The following NRDE2 variants were observed in gnomAD, a reference collection of about 807,000 sequenced individuals.
NRDE2 encodes the protein nuclear exosome regulator NRDE2.
NRDE2 carries 76 observed loss-of-function variants against 124.2 expected under a neutral mutation model. The observed-to-expected ratio is 0.61, with a 90% confidence interval of 0.51 to 0.74. NRDE2 has a LOEUF of 0.74. NRDE2 is among the 30% of genes least tolerant of loss of function. The pLI is 0.00. For missense variants in NRDE2, 1,314 were observed against 1,417.3 expected, an observed-to-expected ratio of 0.93 and a Z score of 1.17; for synonymous variants, 489 against 528.1, an observed-to-expected ratio of 0.93 and a Z score of 1.01.
At position 90,302,766 on chromosome 14, in the gene NRDE2, G is replaced by C. The variant is rs1884451644; in HGVS notation, c.1365C>G (p.Ser455Arg). 1 of 1,613,934 alleles carries C rather than the reference G, an allele frequency of 6.2e-7. No individual in the cohort carries two copies. Among genetic ancestry groups the C allele is most frequent in the East Asian group, 2.2e-5 (1 of 44,886 alleles). Residue 455 changes from serine (S) to arginine (R), a missense_variant, in exon 6 of 14, where the codon AGC becomes AGG. Transcript: ENST00000354366. ...LSTLSAVKDG[S>R]ILSHPALPGT... ...CAGGCAACGCAGGGTGAGATAAGAT[G>C]CTGCCGTCCTTAACAGCAGACAAAG...
Position 90,288,419 on chromosome 14 carries a change from C to T in NRDE2, c.2956G>A (p.Ala986Thr), listed in dbSNP as rs868810495. ...SVYPLAPLREALSQALKLYPG... is the reference protein window; with the variant it reads ...SVYPLAPLRETLSQALKLYPG... ...TACAACTTTAAAGCCTGTGAGAGTGCCTCTCGCAGAGGGGCCAGCGGGTAA... is the reference window on the plus strand; with the variant it reads ...TACAACTTTAAAGCCTGTGAGAGTGTCTCTCGCAGAGGGGCCAGCGGGTAA... Residue 986 changes from alanine (A) to threonine (T), a missense_variant, in exon 11 of 14, where the codon GCA becomes ACA. Transcript: ENST00000354366. 6.2e-7 allele frequency: 1 copy of T among 1,613,976 alleles called. No individual in the cohort carries two copies. The highest frequency in any genetic ancestry group is 8.5e-7 in the Non-Finnish European group (1 of 1,180,008).
chr14:90,285,291 G>T (rs1318490950), intron 12 of NRDE2, among the ~76,000 whole-genome samples: 1 of 144,086 alleles, frequency 6.9e-6, no homozygotes, highest in East Asian at 2.1e-4. Flanking sequence ...AAAAAAAAAG[G>T]AAATGTTGAT....
chr14:90,330,655 T>TA (rs1056720180), intron 1 of NRDE2, among the ~76,000 whole-genome samples: 1 of 151,514 alleles, frequency 6.6e-6, no homozygotes, highest in South Asian at 2.1e-4. Context: ...TACTAAATAT[T>TA]AAAAAAAATT....
At chr14:90,296,507 C>A (rs531369700) in intron 8 of NRDE2, among the ~76,000 whole-genome samples, 1 of 152,298 alleles carries the variant, frequency 6.6e-6, no homozygotes, top group East Asian at 1.9e-4. Context: ...TGAAGGGCCC[C>A]TCTCGCTTCT....
intron 8 of NRDE2, among the ~76,000 whole-genome samples, chr14:90,296,331 G>A (rs1884145731): frequency 2.0e-5 from 3 of 152,122 alleles, no homozygotes; most frequent in Admixed American, 2.0e-4. Context: ...CATGCAGGCT[G>A]TTTTTCTTCA....
At position 90,273,199 on chromosome 14, in the gene NRDE2, C is replaced by T. The variant is rs998215554; in HGVS notation, c.*5137G>A. On this transcript the variant is annotated 3_prime_UTR_variant, in exon 14 of 14. Transcript: ENST00000354366. Reference sequence around the variant, plus strand: ...CCTGGTGTGGGTTGTAGGGCCCACACTGAATGAGGAGTGTGTATTAGTTTT... The same window carrying T: ...CCTGGTGTGGGTTGTAGGGCCCACATTGAATGAGGAGTGTGTATTAGTTTT... 6.6e-6 allele frequency: 1 copy of T among 152,106 alleles called. No individual in the cohort carries two copies. Among genetic ancestry groups the T allele is most frequent in the Admixed American group, 6.5e-5 (1 of 15,274 alleles). The allele number at this position is 152,106 out of a possible 1,614,324, so 9.4% of individuals were successfully genotyped here.
chr14:90,329,125 T>C (rs930099523), intron 1 of NRDE2, among the ~76,000 whole-genome samples: 3 of 152,242 alleles, frequency 2.0e-5, no homozygotes, highest in Non-Finnish European at 1.5e-5. Context: ...ATCCAGAGGA[T>C]GTCAAATAAA....
chr14:90,279,382 A>C (rs756276675), intron 12 of NRDE2: 21 of 436,318 alleles, frequency 4.8e-5, no homozygotes, highest in Non-Finnish European at 8.6e-5. Context: ...AACACTACTG[A>C]CTTTTTAAAG....
intron 12 of NRDE2, among the ~76,000 whole-genome samples, chr14:90,281,895 G>A (rs568464580): frequency 9.2e-4 from 140 of 152,258 alleles, no homozygotes; most frequent in African/African-American, 3.2e-3. Context: ...GAACTCAGGG[G>A]GATTCTTTTC....
In NRDE2 at chr14:90,304,017, T is replaced by A. The variant is rs1162488616; in HGVS notation, c.923A>T (p.Lys308Met). ...CCTGTTAAACTCCTCCACCTTGGCC[T>A]TGAGAGCCGCACTCTCGCTGTCTGG... ...AQPDSESAAL[K>M]AKVEEFNRRV... The change falls in exon 5 of 14, where the codon AAG becomes ATG. Residue 308 changes from lysine (K) to methionine (M), a missense_variant. Lys to Met is a moderately conservative substitution (Grantham distance 95). Coordinates refer to ENST00000354366, the MANE Select transcript of NRDE2 (RefSeq NM_017970.4). 13 of 1,614,052 alleles carry A rather than the reference T, an allele frequency of 8.1e-6. No individual in the cohort carries two copies. The highest frequency in any genetic ancestry group is 1.1e-5 in the Non-Finnish European group (13 of 1,179,926).
chr14:90,289,786 C>A (rs1203778670), intron 10 of NRDE2, among the ~76,000 whole-genome samples: 2 of 152,202 alleles, frequency 1.3e-5, no homozygotes, highest in Non-Finnish European at 2.9e-5. Context: ...CGAGGTTTTG[C>A]CATGTTGGCC....
At chr14:90,281,990 G>A (rs1000779657) in intron 12 of NRDE2, among the ~76,000 whole-genome samples, 8 of 152,166 alleles carry the variant, frequency 5.3e-5, no homozygotes, top group African/African-American at 1.9e-4. Context: ...AATTATACTA[G>A]AGGGTAAAAG....
At chr14:90,327,869 C>T (rs886424270) in intron 1 of NRDE2, among the ~76,000 whole-genome samples, 1 of 152,050 alleles carries the variant, frequency 6.6e-6, no homozygotes, top group Non-Finnish European at 1.5e-5. Context: ...GTAAGCTGGG[C>T]GCAGTGGCTC....
intron 9 of NRDE2, 23 bp from the exon 10 acceptor site, chr14:90,290,630 C>T (rs368090878): frequency 4.4e-6 from 7 of 1,577,110 alleles, no homozygotes; most frequent in South Asian, 3.5e-5. Flanking sequence ...CAAAATAAAG[C>T]GACCCATGTA....
rs1299365501 is a variant in NRDE2, at chr14:90,269,004, C to T, written c.*9332G>A. On this transcript the variant is annotated 3_prime_UTR_variant, in exon 14 of 14. Coordinates refer to ENST00000354366, the MANE Select transcript of NRDE2 (RefSeq NM_017970.4). ...ACCTATTCTGCAGAGGAGACAAATG[C>T]TCAGGGGACAAACAAAAGAGCAAAA... 6.1e-6 allele frequency: 1 copy of T among 164,690 alleles called. No individual in the cohort carries two copies. Among genetic ancestry groups the T allele is most frequent in the South Asian group, 1.8e-4 (1 of 5,622 alleles). 10.2% of individuals were successfully genotyped at this position (164,690 alleles called of 1,614,324 possible).
At chr14:90,315,650 C>A (rs560247895) in intron 3 of NRDE2, among the ~76,000 whole-genome samples, 1 of 152,042 alleles carries the variant, frequency 6.6e-6, no homozygotes, top group South Asian at 2.1e-4. Flanking sequence ...ATGAATTGAA[C>A]AATATGCTCA....
chr14:90,276,212 G>GGCGCCAGCCACCACACCC lies in NRDE2; in HGVS notation c.*2123_*2124insGGGTGTGGTGGCTGGCGC. The GGCGCCAGCCACCACACCC allele has an allele frequency of 7.4e-6, 1 of 135,396 alleles. No individual in the cohort carries two copies. Among genetic ancestry groups the GGCGCCAGCCACCACACCC allele is most frequent in the South Asian group, 2.4e-4 (1 of 4,188 alleles). 8.4% of individuals were successfully genotyped at this position (135,396 alleles called of 1,614,324 possible). On this transcript the variant is annotated 3_prime_UTR_variant, in exon 14 of 14. Coordinates refer to ENST00000354366, the MANE Select transcript of NRDE2 (RefSeq NM_017970.4). ...GAAGTTCATGTCAGCAATCTCAAAC[G>GGCGCCAGCCACCACACCC]GGCTGTTTTTTTTTTTTTTTTTTCG...
intron 12 of NRDE2, 122 bp from the exon 13 acceptor site, chr14:90,279,255 C>A: frequency 5.4e-6 from 4 of 735,184 alleles, no homozygotes; most frequent in Non-Finnish European, 9.4e-6. Flanking sequence ...GTGCAGAGGG[C>A]CTGGCACCGT....
chr14:90,308,470 A>C (rs1338110029), intron 4 of NRDE2, among the ~76,000 whole-genome samples: 1 of 152,134 alleles, frequency 6.6e-6, no homozygotes, highest in Admixed American at 6.5e-5. Flanking sequence ...AAACATTGCC[A>C]ATCCAGCCTC....
Sources: allele counts gnomAD v4.1 joint callset (sites outside exome capture counted in the v4.1 genomes callset), GRCh38; gene constraint gnomAD v4.1.1; transcripts MANE v1.5; gene names NCBI Gene and HGNC (gene_info 2026-07-23, HGNC 2026-07-21).